Variants in CDK15 observed in about 807,000 individuals in gnomAD.
CDK15 encodes the protein cyclin-dependent kinase 15.
CDK15 carries 62 observed loss-of-function variants against 60.3 expected under a neutral mutation model. That is an observed-to-expected ratio of 1.03 (90% CI 0.84 to 1.27). The LOEUF (loss-of-function observed/expected upper bound fraction) is 1.27, where lower values mean the gene tolerates loss of function less well. CDK15 is among the 50% of genes most tolerant of loss of function. CDK15 has a pLI of 0.00. For synonymous variants in CDK15, 194 were observed against 195.7 expected (o/e 0.99, Z 0.07); for missense variants, 541 against 527.8 (o/e 1.03, Z -0.25).
rs1023336012 is a variant in CDK15, at chr2:201,838,028, G to A, written c.851+2265G>A. The stretch of plus-strand genomic sequence containing the variant: ...CAGCACTGTCACTTCAAAGGACTCC[G>A]GCAGGCTCTGGCTTACTCAGCTCTT... On this transcript the variant is annotated intron_variant, in intron 8 of 13. Coordinates refer to ENST00000652192, the MANE Select transcript of CDK15 (RefSeq NM_001366386.2). 2.2e-4 allele frequency among the ~76,000 whole-genome samples: 34 copies of A among 152,032 alleles called. 2 individuals carry two copies. The highest frequency in any genetic ancestry group is 2.0e-3 in the Admixed American group (31 of 15,246).
intron 8 of CDK15, 136 bp downstream of exon 8, chr2:201,835,899 ATATATATT>A (rs1696989910): frequency 4.5e-6 from 1 of 224,330 alleles, no homozygotes; most frequent in Admixed American, 7.2e-5. Context: ...TATATATTTT[ATATATATT>A]TATATAGTTA....
intron 12 of CDK15, among the ~76,000 whole-genome samples, chr2:201,886,118 A>G (rs1368677064): frequency 6.6e-6 from 1 of 152,116 alleles, no homozygotes; most frequent in African/African-American, 2.4e-5. Context: ...TCTCTCATGT[A>G]CTGTGTTTAT....
At chr2:201,836,191 T>TCATATA in intron 8 of CDK15, among the ~76,000 whole-genome samples, 1 of 106,968 alleles carries the variant, frequency 9.3e-6, no homozygotes, top group Non-Finnish European at 1.7e-5. Context: ...ATATATTTTT[T>TCATATA]TATATATATA....
intron 3 of CDK15, 84 bp from the exon 4 acceptor site, chr2:201,812,399 G>A (rs1453399670): frequency 7.7e-6 from 6 of 775,346 alleles, no homozygotes; most frequent in Non-Finnish European, 1.3e-5. Flanking sequence ...TGAAGTGAAA[G>A]TGCTTTTGTT....
chr2:201,830,559 C>T (rs575575865), intron 6 of CDK15, among the ~76,000 whole-genome samples: 6 of 152,068 alleles, frequency 3.9e-5, no homozygotes, highest in East Asian at 3.9e-4. Flanking sequence ...TGTGTGACCA[C>T]GGGAGTTAGT....
chr2:201,810,135 A>T (rs1559112040), intron 3 of CDK15, among the ~76,000 whole-genome samples: 1 of 152,114 alleles, frequency 6.6e-6, no homozygotes, highest in Non-Finnish European at 1.5e-5. Flanking sequence ...TCACAGAACC[A>T]TGTTCTGAGG....
chr2:201,886,762 A>G (rs1023238917), intron 12 of CDK15, among the ~76,000 whole-genome samples: 1 of 152,246 alleles, frequency 6.6e-6, no homozygotes, highest in Non-Finnish European at 1.5e-5. Context: ...AAACAAAAAG[A>G]GCACAGCAAC....
chr2:201,850,923 T>C (rs930577846), intron 9 of CDK15, among the ~76,000 whole-genome samples: 1 of 152,166 alleles, frequency 6.6e-6, no homozygotes, highest in African/African-American at 2.4e-5. Flanking sequence ...AGGTCATCTT[T>C]TGAGAAATGT....
intron 10 of CDK15, among the ~76,000 whole-genome samples, chr2:201,863,395 T>A (rs1698476423): frequency 6.6e-6 from 1 of 151,726 alleles, no homozygotes; most frequent in Non-Finnish European, 1.5e-5. Context: ...AATTAAAAAA[T>A]AATAAATAAA....
chr2:201,810,837 C>CTTT (rs199591982), intron 3 of CDK15, among the ~76,000 whole-genome samples: 165 of 123,600 alleles, frequency 1.3e-3, no homozygotes, highest in Non-Finnish European at 1.6e-3. Flanking sequence ...GGTATGCACT[C>CTTT]TTTTTTTTTT....
At position 201,871,068 on chromosome 2, in the gene CDK15, A is replaced by C. The variant is rs148790082; in HGVS notation, c.1010-1210A>C. Among the ~76,000 whole-genome samples the C allele has an allele frequency of 1.8e-4, 28 of 152,306 alleles. No individual in the cohort carries two copies. The East Asian group carries it at 4.4e-3, about 24-fold the overall frequency. On this transcript the variant is annotated intron_variant, in intron 10 of 13. Transcript: ENST00000652192. ...AGTGCTCCAATTTTTATTATCACCTATTTTGGAATATTCAAGCCAGGATTC... is the reference window on the plus strand; with the variant it reads ...AGTGCTCCAATTTTTATTATCACCTCTTTTGGAATATTCAAGCCAGGATTC...
Position 201,839,463 on chromosome 2 carries a change from T to C in CDK15, c.851+3700T>C, listed in dbSNP as rs144285088. ...GGGGAGATGGTGCTCTAAAGAATAC[T>C]GTAGGGACTATAGGTGAAATTTCAG... On this transcript the variant is annotated intron_variant, in intron 8 of 13. Transcript: ENST00000652192. Among the ~76,000 whole-genome samples the C allele has an allele frequency of 3.9e-3, 601 of 152,286 alleles. 3 individuals carry two copies. The highest frequency in any genetic ancestry group is 9.4e-3 in the Admixed American group (144 of 15,294).
chr2:201,834,213 C>T (rs886491279), intron 7 of CDK15, among the ~76,000 whole-genome samples: 4 of 152,100 alleles, frequency 2.6e-5, no homozygotes, highest in Admixed American at 2.6e-4. Context: ...CCCTTGCTGC[C>T]CCACTGCCAG....
At chr2:201,821,362 G>C (rs539457496) in intron 4 of CDK15, among the ~76,000 whole-genome samples, 5 of 152,018 alleles carry the variant, frequency 3.3e-5, no homozygotes, top group African/African-American at 9.7e-5. Context: ...GGAAGAAGAC[G>C]GTTGTTTTTC....
At chr2:201,876,983 G>A (rs1386247377) in intron 11 of CDK15, among the ~76,000 whole-genome samples, 3 of 151,894 alleles carry the variant, frequency 2.0e-5, no homozygotes, top group Non-Finnish European at 4.4e-5. Context: ...TTTTCTGGTA[G>A]AGATGGTTTT....
chr2:201,890,056 GAAA>G (rs1163431033), intron 12 of CDK15, among the ~76,000 whole-genome samples: 10 of 96,128 alleles, frequency 1.0e-4, no homozygotes, highest in African/African-American at 3.7e-4. Flanking sequence ...CTCAAAAAAA[GAAA>G]AAAAAAAAAA....
At chr2:201,837,890 G>A (rs1697198538) in intron 8 of CDK15, among the ~76,000 whole-genome samples, 2 of 152,208 alleles carry the variant, frequency 1.3e-5, no homozygotes, top group East Asian at 3.9e-4. Flanking sequence ...AATTAAGAAA[G>A]GTTGCAGACA....
intron 3 of CDK15, among the ~76,000 whole-genome samples, chr2:201,810,732 G>A (rs1245404802): frequency 1.3e-5 from 2 of 152,080 alleles, no homozygotes; most frequent in African/African-American, 2.4e-5. Flanking sequence ...TATGAAAAAG[G>A]GGGAGAAAGA....
chr2:201,829,051 A>G (rs374521043), intron 6 of CDK15, among the ~76,000 whole-genome samples: 181 of 152,326 alleles, frequency 1.2e-3, no homozygotes, highest in Middle Eastern at 6.8e-3. Flanking sequence ...TATATATTTC[A>G]CAATATCACA....
Sources: gnomAD v4.1 joint callset for allele counts (sites outside exome capture counted in the v4.1 genomes callset) on GRCh38, gnomAD v4.1.1 for gene constraint, MANE v1.5 for transcripts, NCBI Gene and HGNC (gene_info 2026-07-23, HGNC 2026-07-21) for gene names.